SRGAP1: variants seen among roughly 807,000 people sequenced by gnomAD.
The protein encoded by SRGAP1 is SLIT-ROBO Rho GTPase activating protein 1.
In SRGAP1, 43 loss-of-function variants were observed where a neutral mutation model predicts 121.9. The ratio of observed to expected loss-of-function variants is 0.35; its 90% confidence interval spans 0.28 to 0.46. The LOEUF (loss-of-function observed/expected upper bound fraction) is 0.46, where lower values mean the gene tolerates loss of function less well. SRGAP1 is among the 20% of genes least tolerant of loss of function. The pLI is 1.00. For missense variants in SRGAP1, 1,102 were observed against 1,350.9 expected, an observed-to-expected ratio of 0.82 and a Z score of 2.89; for synonymous variants, 447 against 485.4, an observed-to-expected ratio of 0.92 and a Z score of 1.04.
intron 1 of SRGAP1, among the ~76,000 whole-genome samples, chr12:63,873,232 G>C (rs781097927): frequency 2.6e-5 from 4 of 152,050 alleles, no homozygotes; most frequent in Non-Finnish European, 2.9e-5. Context: ...TTCTAGATTA[G>C]AAAACTGAGG....
chr12:64,087,288 A>T (rs977970321), intron 11 of SRGAP1, among the ~76,000 whole-genome samples: 1 of 152,198 alleles, frequency 6.6e-6, no homozygotes, highest in African/African-American at 2.4e-5. Context: ...GGCTTGGTTT[A>T]TCTAATCCAG....
intron 3 of SRGAP1, among the ~76,000 whole-genome samples, chr12:64,000,640 A>G (rs1440826252): frequency 1.3e-5 from 2 of 152,154 alleles, no homozygotes; most frequent in Non-Finnish European, 2.9e-5. Context: ...TATGTTGAGG[A>G]AAAGGAGCCA....
intron 1 of SRGAP1, among the ~76,000 whole-genome samples, chr12:63,890,225 C>A (rs749918839): frequency 6.6e-6 from 1 of 152,100 alleles, no homozygotes; most frequent in African/African-American, 2.4e-5. Context: ...ACCAGAAAAG[C>A]GTGAAACCGT....
intron 1 of SRGAP1, among the ~76,000 whole-genome samples, chr12:63,906,542 T>C (rs1036453951): frequency 6.6e-6 from 1 of 152,138 alleles, no homozygotes; most frequent in African/African-American, 2.4e-5. Context: ...CTCAATCTCC[T>C]GACCTCGTGA....
chr12:64,033,759 C>T (rs1356257473), intron 4 of SRGAP1, among the ~76,000 whole-genome samples: 6 of 152,010 alleles, frequency 3.9e-5, no homozygotes, highest in East Asian at 1.9e-4. Flanking sequence ...CGATGGCTCA[C>T]GCCTATAATC....
chr12:64,025,986 C>T (rs993999206), intron 4 of SRGAP1, among the ~76,000 whole-genome samples: 1 of 152,008 alleles, frequency 6.6e-6, no homozygotes, highest in African/African-American at 2.4e-5. Flanking sequence ...TCAGTGATGC[C>T]AACTGCTTCC....
Position 64,146,669 on chromosome 12 carries a change from CAG to C in SRGAP1, c.*3999_*4000del, listed in dbSNP as rs2037057265. The C allele has an allele frequency of 6.6e-6, 1 of 152,152 alleles. No homozygotes were observed. The highest frequency in any genetic ancestry group is 2.4e-5 in the African/African-American group (1 of 41,428). 9.4% of individuals were successfully genotyped at this position (152,152 alleles called of 1,614,324 possible). A position where few individuals can be genotyped will look rare whatever the true frequency, so the allele number is the denominator to read the frequency against. On this transcript the variant is annotated 3_prime_UTR_variant, in exon 22 of 22. Transcript: ENST00000355086. ...CAGTCTTGTTTTCGATTATCCACCA[CAG>C]AAACCCTGAGACACAGAGCAGCTTA... is the stretch of plus-strand genomic sequence containing the variant.
chr12:63,917,153 C>A (rs907420968), intron 1 of SRGAP1, among the ~76,000 whole-genome samples: 4 of 152,086 alleles, frequency 2.6e-5, no homozygotes, highest in Non-Finnish European at 4.4e-5. Context: ...GGCAGTTATG[C>A]AGATTAAATG....
intron 1 of SRGAP1, among the ~76,000 whole-genome samples, chr12:63,917,580 C>G (rs957843702): frequency 1.5e-4 from 22 of 151,608 alleles, no homozygotes; most frequent in African/African-American, 5.3e-4. Context: ...GGTTTTACTA[C>G]TATAAAATAA....
intron 1 of SRGAP1, among the ~76,000 whole-genome samples, chr12:63,939,070 A>G (rs1264919137): frequency 6.6e-6 from 1 of 150,836 alleles, no homozygotes; most frequent in Non-Finnish European, 1.5e-5. Flanking sequence ...CAAGAGGACC[A>G]CTTGAGTCCA....
At chr12:64,035,535 G>A (rs184838503) in intron 4 of SRGAP1, among the ~76,000 whole-genome samples, 2 of 152,146 alleles carry the variant, frequency 1.3e-5, no homozygotes, top group East Asian at 3.9e-4. Context: ...CTGAAACCTG[G>A]GCTAATGTCT....
intron 1 of SRGAP1, among the ~76,000 whole-genome samples, chr12:63,898,856 C>T (rs981830685): frequency 2.0e-5 from 3 of 152,140 alleles, no homozygotes; most frequent in African/African-American, 7.2e-5. Context: ...GGAAACCTCA[C>T]GTGTTTGCCT....
At chr12:64,074,727 G>A (rs1035032718) in intron 8 of SRGAP1, among the ~76,000 whole-genome samples, 1 of 152,070 alleles carries the variant, frequency 6.6e-6, no homozygotes, top group Non-Finnish European at 1.5e-5. Context: ...AGAAATAACA[G>A]CATTTACTTT....
chr12:64,041,454 A>C (rs1479928065), intron 4 of SRGAP1, among the ~76,000 whole-genome samples: 1 of 151,608 alleles, frequency 6.6e-6, no homozygotes, highest in Non-Finnish European at 1.5e-5. Context: ...GCACAATCTC[A>C]GCTCACTGCC....
chr12:64,025,600 C>T (rs150138368), intron 4 of SRGAP1, among the ~76,000 whole-genome samples: 314 of 152,230 alleles, frequency 2.1e-3, no homozygotes, highest in African/African-American at 4.5e-3. Flanking sequence ...ATATGTAAAA[C>T]GCTCCCAAAC....
Position 64,148,038 on chromosome 12 carries a change from G to GT in SRGAP1, c.*5371dup, listed in dbSNP as rs1229330491. ...ACAGGGCCCTGCCCATGAAGCTGTG[G>GT]TTTTTCAGTCATGGTTTGGAGGCTC... On this transcript the variant is annotated 3_prime_UTR_variant, in exon 22 of 22. Coordinates refer to ENST00000355086, the MANE Select transcript of SRGAP1 (RefSeq NM_020762.4). The GT allele has an allele frequency of 1.2e-5, 2 of 162,762 alleles. No individual in the cohort carries two copies. The highest frequency in any genetic ancestry group is 2.7e-5 in the Non-Finnish European group (2 of 75,320). The allele number at this position is 162,762 out of a possible 1,614,324, so 10.1% of individuals were successfully genotyped here.
chr12:64,031,259 A>G (rs1381923888), intron 4 of SRGAP1, among the ~76,000 whole-genome samples: 1 of 147,226 alleles, frequency 6.8e-6, no homozygotes, highest in East Asian at 2.0e-4. Flanking sequence ...AGGAGGTTGC[A>G]GTGAGCCGAG....
At position 64,127,813 on chromosome 12, in the gene SRGAP1, C is replaced by T. The variant is rs77250228; in HGVS notation, c.2541-48C>T. On this transcript the variant is annotated intron_variant, in intron 20 of 21. Coordinates refer to ENST00000355086, the MANE Select transcript of SRGAP1 (RefSeq NM_020762.4). ...TGCACCTCAGCCTTGCAGTACTGCCCGGTGTGATAAGCTCTTCTGTTTTCT... is the reference window on the plus strand; with the variant it reads ...TGCACCTCAGCCTTGCAGTACTGCCTGGTGTGATAAGCTCTTCTGTTTTCT... The T allele has an allele frequency of 1.6e-3, 2,527 of 1,598,552 alleles. 64 individuals carry two copies. In the East Asian group the frequency reaches 0.05, roughly 32 times the overall value.
chr12:63,948,795 C>CAT (rs889950474), intron 1 of SRGAP1, among the ~76,000 whole-genome samples: 2 of 134,284 alleles, frequency 1.5e-5, no homozygotes, highest in East Asian at 2.1e-4. Context: ...ATATGTTTTC[C>CAT]ATATATATAT....
Sources: allele counts gnomAD v4.1 joint callset (sites outside exome capture counted in the v4.1 genomes callset), GRCh38; gene constraint gnomAD v4.1.1; transcripts MANE v1.5; gene names NCBI Gene and HGNC (gene_info 2026-07-23, HGNC 2026-07-21).